Variants in FOXP1 observed in about 807,000 individuals in gnomAD.
FOXP1 encodes the protein forkhead box protein P1.
A neutral mutation model predicts 98.2 loss-of-function variants in FOXP1; 15 were observed. That is an observed-to-expected ratio of 0.15 (90% CI 0.10 to 0.24). FOXP1 has a LOEUF of 0.24. FOXP1 is among the 10% of genes least tolerant of loss of function. The pLI is 1.00. For missense variants in FOXP1, 633 were observed against 848.5 expected (o/e 0.75, Z 3.15); for synonymous variants, 371 against 314.5 (o/e 1.18, Z -1.90).
At chr3:71,563,971 G>A (rs1296844300) in intron 2 of FOXP1, among the ~76,000 whole-genome samples, 3 of 152,246 alleles carry the variant, frequency 2.0e-5, no homozygotes, top group Non-Finnish European at 4.4e-5. Flanking sequence ...TTATCAGTAA[G>A]GTGATAATGC....
At chr3:71,121,922 T>C (rs1281508551) in intron 6 of FOXP1, among the ~76,000 whole-genome samples, 2 of 146,962 alleles carry the variant, frequency 1.4e-5, no homozygotes, top group Non-Finnish European at 2.9e-5. Context: ...CAAAAGGCTC[T>C]ATTAACTCAC....
intron 12 of FOXP1, among the ~76,000 whole-genome samples, chr3:71,002,558 G>A (rs1169840540): frequency 6.6e-6 from 1 of 152,194 alleles, no homozygotes; most frequent in African/African-American, 2.4e-5. Flanking sequence ...TGCTTTTAAA[G>A]AAGCATGTTG....
intron 6 of FOXP1, among the ~76,000 whole-genome samples, chr3:71,179,286 G>A (rs1012381665): frequency 3.3e-5 from 5 of 151,608 alleles, no homozygotes; most frequent in South Asian, 2.1e-4. Flanking sequence ...CTGCCACCAC[G>A]CCCAGCTAAT....
intron 4 of FOXP1, among the ~76,000 whole-genome samples, chr3:71,347,943 C>T (rs1365490711): frequency 3.3e-5 from 5 of 151,900 alleles, no homozygotes; most frequent in African/African-American, 7.3e-5. Flanking sequence ...CCAAGAGCCC[C>T]GGTGGATGCC....
intron 7 of FOXP1, among the ~76,000 whole-genome samples, chr3:71,108,920 T>C (rs1273876811): frequency 2.0e-5 from 3 of 152,202 alleles, no homozygotes; most frequent in African/African-American, 7.2e-5. Context: ...CCAGCCTGCT[T>C]TGGAAATGTT....
chr3:71,044,732 AAAG>A, intron 10 of FOXP1, among the ~76,000 whole-genome samples: 2 of 152,346 alleles, frequency 1.3e-5, no homozygotes, highest in Middle Eastern at 6.8e-3. Context: ...CTTCATTATA[AAAG>A]AAAATGCAGG....
At chr3:71,259,233 C>T (rs2068893446) in intron 5 of FOXP1, among the ~76,000 whole-genome samples, 3 of 152,274 alleles carry the variant, frequency 2.0e-5, no homozygotes, top group African/African-American at 7.2e-5. Context: ...CTAACAGAAC[C>T]CAGAAGAGCC....
intron 3 of FOXP1, among the ~76,000 whole-genome samples, chr3:71,387,768 C>A (rs1032423784): frequency 6.6e-6 from 1 of 152,182 alleles, no homozygotes; most frequent in Non-Finnish European, 1.5e-5. Flanking sequence ...TGTGTTCATG[C>A]GGCATGACAC....
intron 14 of FOXP1, among the ~76,000 whole-genome samples, chr3:70,982,576 T>C (rs1162300657): frequency 2.3e-4 from 35 of 152,244 alleles, no homozygotes; most frequent in Admixed American, 2.3e-3. Flanking sequence ...TCTTATGTCA[T>C]TTAAAATTGC....
intron 6 of FOXP1, among the ~76,000 whole-genome samples, chr3:71,131,403 C>CAA (rs10681690): frequency 0.49 from 61,928 of 126,426 alleles, 16,096 homozygotes; most frequent in South Asian, 0.6. Flanking sequence ...TATTCAATAA[C>CAA]AAAAAAAAAA....
intron 4 of FOXP1, chr3:71,333,446 CA>C (rs1266303134): frequency 2.4e-4 from 36 of 152,248 alleles, no homozygotes; most frequent in African/African-American, 8.7e-4. Flanking sequence ...AAGCATTTAT[CA>C]GACATGTCAT....
At chr3:71,146,797 G>C (rs149491047) in intron 6 of FOXP1, among the ~76,000 whole-genome samples, 2,560 of 152,302 alleles carry the variant, frequency 0.017, 70 homozygotes, top group African/African-American at 0.059. Context: ...TTAATATCTT[G>C]GCTGAAACAC....
intron 3 of FOXP1, among the ~76,000 whole-genome samples, chr3:71,493,161 T>G (rs1037335380): frequency 3.9e-5 from 6 of 152,140 alleles, no homozygotes; most frequent in Non-Finnish European, 8.8e-5. Flanking sequence ...ACGTTGCACA[T>G]GGACCAAAAC....
chr3:71,457,350 G>C (rs894347269), intron 3 of FOXP1, among the ~76,000 whole-genome samples: 3 of 152,072 alleles, frequency 2.0e-5, no homozygotes, highest in Admixed American at 2.0e-4. Flanking sequence ...CAATTACTGT[G>C]CTATATTGCA....
chr3:71,581,863 C>G (rs547007845), intron 1 of FOXP1, 166 bp from the exon 2 acceptor site: 12 of 985,438 alleles, frequency 1.2e-5, no homozygotes, highest in Non-Finnish European at 1.4e-5. Context: ...GGATGCGGCT[C>G]AGGGAATCCC....
At chr3:71,102,965 A>C (rs1038537575) in intron 7 of FOXP1, among the ~76,000 whole-genome samples, 1 of 152,156 alleles carries the variant, frequency 6.6e-6, no homozygotes, top group African/African-American at 2.4e-5. Flanking sequence ...AACTTACCCC[A>C]TATGGTTGTT....
intron 3 of FOXP1, among the ~76,000 whole-genome samples, chr3:71,462,053 G>C (rs1419303231): frequency 1.3e-5 from 2 of 152,262 alleles, no homozygotes; most frequent in Middle Eastern, 3.4e-3. Flanking sequence ...ACCTGGTGTT[G>C]ATATTGTCTG....
intron 1 of FOXP1, chr3:71,582,585 A>G: frequency 1.0e-6 from 1 of 985,316 alleles, no homozygotes; most frequent in Non-Finnish European, 1.2e-6. Flanking sequence ...GAGCTTGGGA[A>G]ATCTCCCCGT....
rs2085516769 is a variant in FOXP1 at position 71,437,896 on chromosome 3, G to C, written c.-168+55530C>G. Among the ~76,000 whole-genome samples the C allele has an allele frequency of 2.0e-5, 3 of 152,284 alleles. No individual in the cohort carries two copies. In the South Asian group the frequency reaches 6.2e-4, roughly 32 times the overall value. ...AGACAAAAAGAAAAGCTTGGTTCCAGGAGGTGAAGAAAAGCTGTGTACACG... is the reference window on the plus strand; with the variant it reads ...AGACAAAAAGAAAAGCTTGGTTCCACGAGGTGAAGAAAAGCTGTGTACACG... On this transcript the variant is annotated intron_variant, in intron 3 of 20. Transcript: ENST00000649528.
Sources: gnomAD v4.1 joint callset for allele counts (sites outside exome capture counted in the v4.1 genomes callset) on GRCh38, gnomAD v4.1.1 for gene constraint, MANE v1.5 for transcripts, NCBI Gene and HGNC (gene_info 2026-07-23, HGNC 2026-07-21) for gene names.